The following GPRC5B variants were observed in gnomAD, a reference collection of about 807,000 sequenced individuals.
GPRC5B encodes G protein-coupled receptor class C group 5 member B.
A neutral mutation model predicts 30.1 loss-of-function variants in GPRC5B; 16 were observed. The ratio of observed to expected loss-of-function variants is 0.53; its 90% CI spans 0.36 to 0.81. GPRC5B has a LOEUF of 0.81. Ranked by LOEUF, GPRC5B falls within the 30% of genes least tolerant of loss-of-function variation. The probability of loss-of-function intolerance (pLI) is 0.01; values close to 1 mark genes in which losing one functional copy is unlikely to be tolerated. For missense variants in GPRC5B, 428 were observed against 544.7 expected (o/e 0.79, Z 2.13); for synonymous variants, 241 against 239.5 (o/e 1.01, Z -0.06).
chr16:19,863,662 C>A (rs1214182710), intron 2 of GPRC5B, among the ~76,000 whole-genome samples: 2 of 151,918 alleles, frequency 1.3e-5, no homozygotes, highest in Non-Finnish European at 2.9e-5. Flanking sequence ...GCCACCATGC[C>A]CAGCTAATTT....
chr16:19,872,673 A>G lies in GPRC5B; in HGVS notation c.173T>C (p.Val58Ala), dbSNP rs781075350. Residue 58 changes from valine (V) to alanine (A), a missense_variant, in exon 2 of 4, where the codon GTG (valine) becomes GCG (alanine). Physicochemically the swap from Val to Ala is moderately conservative, Grantham distance 64. Around this residue, in one of 3 missense-constraint regions of GPRC5B, gnomAD observed 196 missense variants for 272.6 expected, o/e 0.72. Transcript: ENST00000300571. This position sits in a 1 kb window ranked among gnomAD's most constrained non-coding sequence, Gnocchi z 5.0. Reference protein sequence around the residue: ...LCDLDAIWGIVVEAVAGAGAL... With the variant: ...LCDLDAIWGIAVEAVAGAGAL... ...GCCCGCCCCGGCCACCGCCTCCACC[A>G]CAATGCCCCAGATGGCGTCCAGGTC... 9.3e-6 allele frequency: 15 copies of G among 1,613,998 alleles called. No individual in the cohort carries two copies. Among genetic ancestry groups the G allele is most frequent in the Middle Eastern group, 1.6e-4 (1 of 6,084 alleles).
intron 2 of GPRC5B, among the ~76,000 whole-genome samples, chr16:19,864,767 G>T (rs558597439): frequency 3.2e-4 from 49 of 152,356 alleles, no homozygotes; most frequent in Admixed American, 2.4e-3. Flanking sequence ...GCTGAGGTCA[G>T]CACCAAAGAT....
chr16:19,870,455 TAC>T, intron 2 of GPRC5B, among the ~76,000 whole-genome samples: 1 of 152,192 alleles, frequency 6.6e-6, no homozygotes, highest in Non-Finnish European at 1.5e-5. Flanking sequence ...CTCTATGAGG[TAC>T]AGTCTCTTAC....
intron 1 of GPRC5B, among the ~76,000 whole-genome samples, chr16:19,880,551 A>G (rs546840021): frequency 2.0e-5 from 3 of 152,288 alleles, no homozygotes; most frequent in East Asian, 1.9e-4. Context: ...TCAACGAAAG[A>G]GGTCCCTGAG....
At chr16:19,871,739 C>G (rs747738152) in intron 2 of GPRC5B, 77 bp downstream of exon 2, 33 of 1,340,530 alleles carry the variant, frequency 2.5e-5, no homozygotes, top group African/African-American at 4.3e-5. Flanking sequence ...CCGCCCATCC[C>G]CACTGAAGAG....
chr16:19,872,978 C>A lies in GPRC5B; in HGVS notation c.-1-132G>T, dbSNP rs1216408772. ...CAAGCGCACACGGCACCTTTGCACA[C>A]ATAGGAAAACGTGCTCCTTTCCTCA... On this transcript the variant is annotated intron_variant, in intron 1 of 3. Coordinates refer to ENST00000300571, the MANE Select transcript of GPRC5B (RefSeq NM_016235.3). The surrounding 1 kb of genome is among the most constrained non-coding windows in gnomAD (Gnocchi z 5.0). 6 of 653,480 alleles carry A rather than the reference C, an allele frequency of 9.2e-6. No homozygotes were observed. Among genetic ancestry groups the A allele is most frequent in the Non-Finnish European group, 1.3e-5 (5 of 378,990 alleles). The allele number at this position is 653,480 out of a possible 1,614,324, so 40.5% of individuals were successfully genotyped here.
Position 19,872,150 on chromosome 16 carries a change from G to A in GPRC5B, c.696C>T (p.Asn232=), listed in dbSNP as rs775926345. 6.8e-6 allele frequency: 11 copies of A among 1,613,882 alleles called. No homozygotes were observed. Among genetic ancestry groups the A allele is most frequent in the Middle Eastern group, 1.6e-4 (1 of 6,084 alleles). The part of the protein sequence containing the change: ...LCGKFKRWKL[N]GAFLLITAFL... ...AGGCTGTGATGAGGAGGAAGGCCCC[G>A]TTCAGCTTCCACCTCTTGAACTTGC... The change falls in exon 2 of 4, where the codon AAC becomes AAT. Residue 232 remains asparagine, a synonymous_variant. Coordinates refer to ENST00000300571, the MANE Select transcript of GPRC5B (RefSeq NM_016235.3). This position sits in a 1 kb window ranked among gnomAD's most constrained non-coding sequence, Gnocchi z 5.0.
At position 19,858,361 on chromosome 16, in the gene GPRC5B, C is replaced by T. The variant is rs143279223; in HGVS notation, c.*2139G>A. On this transcript the variant is annotated 3_prime_UTR_variant, in exon 4 of 4. Coordinates refer to ENST00000300571, the MANE Select transcript of GPRC5B (RefSeq NM_016235.3). ...TCTCATTAAATGAGGCTTCCCATGG[C>T]TCAAAGATGGCTCTGTTCTTATGCT... is the stretch of plus-strand genomic sequence containing the variant. The T allele has an allele frequency of 1.1e-3, 507 of 450,050 alleles. 2 individuals carry two copies. The highest frequency in any genetic ancestry group is 9.4e-3 in the African/African-American group (469 of 49,798). 27.9% of individuals were successfully genotyped at this position (450,050 alleles called of 1,614,324 possible).
At chr16:19,863,254 C>A (rs959972338) in intron 2 of GPRC5B, among the ~76,000 whole-genome samples, 15 of 151,770 alleles carry the variant, frequency 9.9e-5, no homozygotes, top group African/African-American at 3.6e-4. Flanking sequence ...AACTCCCAGG[C>A]TCAAGTGGTC....
chr16:19,881,682 T>TGA (rs1396591111), intron 1 of GPRC5B, among the ~76,000 whole-genome samples: 2 of 152,158 alleles, frequency 1.3e-5, no homozygotes, highest in Non-Finnish European at 2.9e-5. Context: ...CTTGGGAGGC[T>TGA]GAGGCAGGAG....
chr16:19,879,120 T>G (rs374219209), intron 1 of GPRC5B, among the ~76,000 whole-genome samples: 2 of 152,142 alleles, frequency 1.3e-5, no homozygotes, highest in African/African-American at 4.8e-5. Flanking sequence ...CCTGCTAAAT[T>G]AGGCACCTGG....
intron 1 of GPRC5B, among the ~76,000 whole-genome samples, chr16:19,879,643 A>C (rs979464995): frequency 5.3e-5 from 8 of 152,144 alleles, no homozygotes; most frequent in African/African-American, 1.9e-4. Flanking sequence ...CTTAGGAATC[A>C]GATCTCCCAG....
chr16:19,875,963 C>G (rs1395794237), intron 1 of GPRC5B, among the ~76,000 whole-genome samples: 1 of 152,142 alleles, frequency 6.6e-6, no homozygotes, highest in Non-Finnish European at 1.5e-5. Flanking sequence ...GAACAAAATG[C>G]CAACAGTCCC....
At chr16:19,868,666 C>T (rs1303720605) in intron 2 of GPRC5B, among the ~76,000 whole-genome samples, 2 of 152,202 alleles carry the variant, frequency 1.3e-5, no homozygotes, top group Non-Finnish European at 2.9e-5. Context: ...TCAACAAACA[C>T]GGGCTTGCCA....
rs1276395353 is a variant in GPRC5B at position 19,857,773 on chromosome 16, G to T, written c.*2727C>A. On this transcript the variant is annotated 3_prime_UTR_variant, in exon 4 of 4. Coordinates refer to ENST00000300571, the MANE Select transcript of GPRC5B (RefSeq NM_016235.3). The stretch of plus-strand genomic sequence containing the variant: ...AAAAAAAAAAAAAAAAAAGCACTGG[G>T]CGCCCAGCTTCCAACAACCAGATCT... 6.5e-6 allele frequency: 1 copy of T among 154,030 alleles called. No homozygotes were observed. Among genetic ancestry groups the T allele is most frequent in the Non-Finnish European group, 1.4e-5 (1 of 71,166 alleles). 9.5% of individuals were successfully genotyped at this position (154,030 alleles called of 1,614,324 possible). A position where few individuals can be genotyped will look rare whatever the true frequency, so the allele number is the denominator to read the frequency against.
chr16:19,868,140 C>T (rs559904379), intron 2 of GPRC5B, among the ~76,000 whole-genome samples: 19 of 151,502 alleles, frequency 1.3e-4, no homozygotes, highest in African/African-American at 2.2e-4. Flanking sequence ...TTTGGGAGGC[C>T]GAGGCGGGTG....
Position 19,859,119 on chromosome 16 carries a change from A to T in GPRC5B, c.*1381T>A, listed in dbSNP as rs2056599365. 6.5e-6 allele frequency: 1 copy of T among 152,696 alleles called. No individual in the cohort carries two copies. Among genetic ancestry groups the T allele is most frequent in the African/African-American group, 2.4e-5 (1 of 41,450 alleles). The allele number at this position is 152,696 out of a possible 1,614,324, so 9.5% of individuals were successfully genotyped here. A position where few individuals can be genotyped will look rare whatever the true frequency, so the allele number is the denominator to read the frequency against. Reference sequence around the variant, plus strand: ...TTATGGGTAGTTTTATAGAAAAAGCAATGTAGTGATTAGAGTATCTGCAGA... The same window carrying T: ...TTATGGGTAGTTTTATAGAAAAAGCTATGTAGTGATTAGAGTATCTGCAGA... On this transcript the variant is annotated 3_prime_UTR_variant, in exon 4 of 4. Coordinates refer to ENST00000300571, the MANE Select transcript of GPRC5B (RefSeq NM_016235.3).
chr16:19,862,027 T>A lies in GPRC5B; in HGVS notation c.1031-54A>T, dbSNP rs2056629327. ...CATTGCCAAAAAAAAGACACAATTT[T>A]GTTTTCTTCCCCTGCAACAACAGCG... On this transcript the variant is annotated intron_variant, in intron 2 of 3. Coordinates refer to ENST00000300571, the MANE Select transcript of GPRC5B (RefSeq NM_016235.3). 1.9e-6 allele frequency: 3 copies of A among 1,598,150 alleles called. No homozygotes were observed. The African/African-American group carries it at 4.0e-5, about 21-fold the overall frequency.
chr16:19,867,117 G>C (rs2056673969), intron 2 of GPRC5B, among the ~76,000 whole-genome samples: 1 of 152,188 alleles, frequency 6.6e-6, no homozygotes, highest in Non-Finnish European at 1.5e-5. Flanking sequence ...TTTCCACTCT[G>C]TAAAACGGGT....
Sources: allele counts gnomAD v4.1 joint callset (sites outside exome capture counted in the v4.1 genomes callset), GRCh38; gene constraint gnomAD v4.1.1; regional missense constraint gnomAD v4.1.1; non-coding constraint Gnocchi (gnomAD v3.1); transcripts MANE v1.5; gene names NCBI Gene and HGNC (gene_info 2026-07-23, HGNC 2026-07-21).